SEC24B: variants seen among roughly 807,000 people sequenced by gnomAD.
SEC24B encodes protein transport protein Sec24B.
A neutral mutation model predicts 142.8 loss-of-function variants in SEC24B; 45 were observed. That is an observed-to-expected ratio of 0.32 (90% CI 0.25 to 0.40). The LOEUF (loss-of-function observed/expected upper bound fraction) is 0.40. SEC24B is among the 10% of genes least tolerant of loss of function. The pLI, the probability that SEC24B is intolerant of heterozygous loss-of-function variation, is 1.00. For missense variants in SEC24B, 1,409 were observed against 1,526.8 expected (o/e 0.92, Z 1.29); for synonymous variants, 574 against 568.2 (o/e 1.01, Z -0.15).
At chr4:109,475,275 A>G (rs1346741626) in intron 3 of SEC24B, among the ~76,000 whole-genome samples, 1 of 152,222 alleles carries the variant, frequency 6.6e-6, no homozygotes, top group Non-Finnish European at 1.5e-5. Context: ...GATCTGAGCT[A>G]TACAACCTAA....
chr4:109,495,958 C>G (rs1243307437), intron 6 of SEC24B, among the ~76,000 whole-genome samples: 1 of 152,166 alleles, frequency 6.6e-6, no homozygotes, highest in African/African-American at 2.4e-5. Flanking sequence ...TCCTATATCA[C>G]TGCTGCTAGG....
intron 5 of SEC24B, among the ~76,000 whole-genome samples, chr4:109,493,439 A>G (rs1424526998): frequency 6.6e-6 from 1 of 152,200 alleles, no homozygotes; most frequent in Non-Finnish European, 1.5e-5. Context: ...AATTGTTAAT[A>G]ATGGTTATGT....
At chr4:109,514,285 G>A (rs537233383) in intron 10 of SEC24B, among the ~76,000 whole-genome samples, 1 of 152,226 alleles carries the variant, frequency 6.6e-6, no homozygotes, top group South Asian at 2.1e-4. Context: ...AGAAAATTCT[G>A]TCTCTTCTTT....
In SEC24B at chr4:109,463,569, C is replaced by T. The variant is rs1731539642; in HGVS notation, c.802C>T (p.Pro268Ser). 8 of 1,614,168 alleles carry T rather than the reference C, an allele frequency of 5.0e-6. No individual in the cohort carries two copies. Among genetic ancestry groups the T allele is most frequent in the Non-Finnish European group, 6.8e-6 (8 of 1,180,044 alleles). The change falls in exon 2 of 24, where the codon CCA (proline) becomes TCA (serine). Residue 268 changes from proline (P) to serine (S), a missense_variant. Transcript: ENST00000265175. ...TCTAACGTGGTCATCTCCAGGCCTTCCATCGACTCAAGACAATCTCATCCG... is the reference window on the plus strand; with the variant it reads ...TCTAACGTGGTCATCTCCAGGCCTTTCATCGACTCAAGACAATCTCATCCG... ...STLTWSSPGL[P>S]STQDNLIRNH...
chr4:109,510,440 G>A (rs1449543656), intron 8 of SEC24B, among the ~76,000 whole-genome samples: 1 of 152,180 alleles, frequency 6.6e-6, no homozygotes, highest in Non-Finnish European at 1.5e-5. Flanking sequence ...TAGGTAGTGA[G>A]TACAGTATGA....
At chr4:109,510,951 C>G (rs1205553201) in intron 8 of SEC24B, among the ~76,000 whole-genome samples, 1 of 151,930 alleles carries the variant, frequency 6.6e-6, no homozygotes. Context: ...GTGAAGCTTA[C>G]TTTACTACCA....
intron 5 of SEC24B, among the ~76,000 whole-genome samples, chr4:109,492,878 C>CTT (rs1182394246): frequency 3.6e-5 from 5 of 138,882 alleles, no homozygotes; most frequent in African/African-American, 5.2e-5. Context: ...CCATATCCAG[C>CTT]TTTTTTTTTT....
intron 3 of SEC24B, among the ~76,000 whole-genome samples, chr4:109,475,986 CTCTCT>C (rs904780794): frequency 7.1e-6 from 1 of 140,176 alleles, no homozygotes; most frequent in Non-Finnish European, 1.5e-5. Flanking sequence ...CTTTTTCTCT[CTCTCT>C]TTTTTTTTTT....
At chr4:109,537,112 C>T (rs755770465) in intron 22 of SEC24B, among the ~76,000 whole-genome samples, 37 of 152,034 alleles carry the variant, frequency 2.4e-4, no homozygotes, top group South Asian at 4.2e-4. Context: ...TTTTAATAGG[C>T]AATTCATAAA....
chr4:109,483,044 G>A (rs12513174), intron 4 of SEC24B, among the ~76,000 whole-genome samples: 1 of 102,840 alleles, frequency 9.7e-6, no homozygotes, highest in African/African-American at 5.0e-5. Context: ...TTATATATAT[G>A]TATTTATGTA....
At chr4:109,508,451 C>T (rs1308992937) in intron 7 of SEC24B, among the ~76,000 whole-genome samples, 1 of 151,962 alleles carries the variant, frequency 6.6e-6, no homozygotes, top group East Asian at 1.9e-4. Flanking sequence ...CCTGTGGTCC[C>T]AGCTACTCTG....
At chr4:109,462,000 G>A (rs933696868) in intron 1 of SEC24B, among the ~76,000 whole-genome samples, 1 of 151,866 alleles carries the variant, frequency 6.6e-6, no homozygotes, top group East Asian at 1.9e-4. Context: ...GACCAGCCTG[G>A]GCAACACAGT....
intron 6 of SEC24B, among the ~76,000 whole-genome samples, chr4:109,499,132 C>T (rs1380106090): frequency 6.6e-6 from 1 of 152,088 alleles, no homozygotes; most frequent in East Asian, 1.9e-4. Flanking sequence ...TCTGTCCTTC[C>T]AGGTTTCTTT....
chr4:109,532,323 A>G (rs1245033234), intron 20 of SEC24B, among the ~76,000 whole-genome samples: 1 of 152,042 alleles, frequency 6.6e-6, no homozygotes, highest in African/African-American at 2.4e-5. Flanking sequence ...TTATGTTGCC[A>G]AAGAAATGTA....
intron 1 of SEC24B, among the ~76,000 whole-genome samples, chr4:109,458,854 T>C (rs1052755766): frequency 6.6e-6 from 1 of 151,954 alleles, no homozygotes; most frequent in Non-Finnish European, 1.5e-5. Flanking sequence ...TTACAATGAC[T>C]GTATCACATT....
chr4:109,442,610 A>G (rs1729039965), intron 1 of SEC24B, among the ~76,000 whole-genome samples: 1 of 151,676 alleles, frequency 6.6e-6, no homozygotes, highest in African/African-American at 2.4e-5. Context: ...GATCTGACTG[A>G]AAAAAAAAGT....
chr4:109,466,033 T>G (rs1008711188), intron 2 of SEC24B, among the ~76,000 whole-genome samples: 3 of 152,172 alleles, frequency 2.0e-5, no homozygotes, highest in Non-Finnish European at 2.9e-5. Context: ...CAGGTTAATA[T>G]GACAAACGTG....
chr4:109,445,903 T>C (rs1375815431), intron 1 of SEC24B, among the ~76,000 whole-genome samples: 1 of 152,004 alleles, frequency 6.6e-6, no homozygotes, highest in Non-Finnish European at 1.5e-5. Flanking sequence ...ATTTGATGCT[T>C]ATGTAAGGCA....
intron 3 of SEC24B, among the ~76,000 whole-genome samples, chr4:109,478,816 T>G (rs1300637106): frequency 6.6e-6 from 1 of 152,184 alleles, no homozygotes; most frequent in Non-Finnish European, 1.5e-5. Flanking sequence ...GGGCACTTTT[T>G]TAGGTGGGTA....
Sources: gnomAD v4.1 joint callset for allele counts (sites outside exome capture counted in the v4.1 genomes callset) on GRCh38, gnomAD v4.1.1 for gene constraint, MANE v1.5 for transcripts, NCBI Gene and HGNC (gene_info 2026-07-23, HGNC 2026-07-21) for gene names.